The following NBPF6 variants were observed in gnomAD, a reference collection of about 807,000 sequenced individuals.
The protein encoded by NBPF6 is NBPF family member NBPF6.
NBPF6 carries 2 observed loss-of-function variants against 20.8 expected under a neutral mutation model. That is an observed-to-expected ratio of 0.10 (90% CI 0.04 to 0.30). The LOEUF (loss-of-function observed/expected upper bound fraction) is 0.30. Ranked by LOEUF, NBPF6 falls within the 10% of genes least tolerant of loss-of-function variation. The probability of loss-of-function intolerance (pLI) is 1.00; values close to 1 mark genes in which losing one functional copy is unlikely to be tolerated. For missense variants in NBPF6, 85 were observed against 260.3 expected (o/e 0.33, Z 4.63); for synonymous variants, 24 against 100.0 (o/e 0.24, Z 4.53).
intron 9 of NBPF6, among the ~76,000 whole-genome samples, chr1:108,459,388 C>A (rs1467544996): frequency 6.9e-6 from 1 of 144,920 alleles, no homozygotes; most frequent in Non-Finnish European, 1.5e-5. Context: ...TGGTGTCAAC[C>A]AGCCTGAGAT....
chr1:108,448,276 A>C (rs1652688175), upstream of NBPF6, among the ~76,000 whole-genome samples: 2 of 145,956 alleles, frequency 1.4e-5, no homozygotes, highest in African/African-American at 5.0e-5. Flanking sequence ...GGTGTCTCAG[A>C]GACCTGACAT....
the NBPF6 span, among the ~76,000 whole-genome samples, chr1:108,427,077 AAG>A: frequency 1.2e-3 from 86 of 71,708 alleles, 13 homozygotes; most frequent in African/African-American, 5.2e-3. Context: ...TACTAGCAAT[AAG>A]GAAGGACATC....
upstream of NBPF6, among the ~76,000 whole-genome samples, chr1:108,449,443 T>C (rs1165133884): frequency 1.4e-4 from 2 of 14,118 alleles, no homozygotes; most frequent in African/African-American, 1.9e-4. Context: ...TATATATATA[T>C]ATATATATAT....
rs1377376032 is a variant in NBPF6, at chr1:108,471,743, G to A, written c.*1105G>A. On this transcript the variant is annotated 3_prime_UTR_variant, in exon 15 of 15. Coordinates refer to ENST00000495380, the MANE Select transcript of NBPF6 (RefSeq NM_001143988.2). The stretch of plus-strand genomic sequence containing the variant: ...TGACTTTCATCCAAAATTAATTTTA[G>A]TCCATTAAAGTTAAAATGTTAAAGT... 6.6e-6 allele frequency among the ~76,000 whole-genome samples: 1 copy of A among 152,136 alleles called. No individual in the cohort carries two copies. Among genetic ancestry groups the A allele is most frequent in the African/African-American group, 2.4e-5 (1 of 41,424 alleles).
chr1:108,459,720 A>T (rs1301116833), intron 9 of NBPF6, among the ~76,000 whole-genome samples: 274 of 55,940 alleles, frequency 4.9e-3, no homozygotes, highest in African/African-American at 0.017. Context: ...TGAGCACCTG[A>T]TGCTTCTCTC....
chr1:108,459,747 T>G (rs1284356829), intron 9 of NBPF6, among the ~76,000 whole-genome samples, 186 bp from the exon 10 acceptor site: 22 of 46,138 alleles, frequency 4.8e-4, no homozygotes, highest in African/African-American at 1.7e-3. Context: ...ATCTCTCTCT[T>G]TCCCTCTCTC....
chr1:108,436,542 G>A, the NBPF6 span, among the ~76,000 whole-genome samples: 4 of 72,744 alleles, frequency 5.5e-5, 2 homozygotes, highest in Non-Finnish European at 1.3e-4. Flanking sequence ...AACCCAGGAA[G>A]TGATCACACC....
the NBPF6 span, among the ~76,000 whole-genome samples, chr1:108,442,369 A>G: frequency 6.6e-6 from 1 of 152,328 alleles, no homozygotes; most frequent in Admixed American, 6.5e-5. Flanking sequence ...AACTGGTAAA[A>G]GAACAAAACA....
At chr1:108,448,279 C>T (rs1272593810), upstream of NBPF6, among the ~76,000 whole-genome samples, 2 of 145,682 alleles carry the variant, frequency 1.4e-5, no homozygotes, top group African/African-American at 5.0e-5. Flanking sequence ...GTCTCAGAGA[C>T]CTGACATTCT....
At position 108,471,214 on chromosome 1, in the gene NBPF6, T is replaced by C. The variant is rs183689425; in HGVS notation, c.*576T>C. Among the ~76,000 whole-genome samples the C allele has an allele frequency of 1.5e-3, 221 of 152,320 alleles. No homozygotes were observed. Among genetic ancestry groups the C allele is most frequent in the Admixed American group, 2.9e-3 (45 of 15,308 alleles). On this transcript the variant is annotated 3_prime_UTR_variant, in exon 15 of 15. Transcript: ENST00000495380. ...TCATTTTGAACCCAAAACATCTCCT[T>C]ATCTTTTTGTTGTTGTCATCGATGG...
rs1653009267 is a variant in NBPF6, at chr1:108,459,087, G to T, written c.1006G>T (p.Gly336Ter). 2.2e-6 allele frequency: 1 copy of T among 458,756 alleles called. No individual in the cohort carries two copies. The highest frequency in any genetic ancestry group is 3.3e-5 in the East Asian group (1 of 30,034). 28.4% of individuals were successfully genotyped at this position (458,756 alleles called of 1,614,324 possible). A position where few individuals can be genotyped will look rare whatever the true frequency, so the allele number is the denominator to read the frequency against. Residue 336 changes from glycine (G) to a stop codon, truncating the protein, a stop_gained, in exon 9 of 15, where the codon GGA (glycine) becomes TGA (stop). Transcript: ENST00000495380. LOFTEE classifies it high-confidence loss of function. ...GCAAAGTGATCTTGAAGAGGTGAAAGGACAAGAAACAGTTGCTCCCAGGTA... is the reference window on the plus strand; with the variant it reads ...GCAAAGTGATCTTGAAGAGGTGAAATGACAAGAAACAGTTGCTCCCAGGTA... The part of the protein sequence containing the change: ...EKQSDLEEVK[G>*]QETVAPRLSR...
Position 108,467,634 on chromosome 1 carries a change from G to C in NBPF6, c.1844G>C (p.Arg615Thr). The stretch of plus-strand genomic sequence containing the variant: ...TTCAGCAAGTGGAGACTGGCATTCA[G>C]ATTCGCTGGCCCGCATGCTGAGAGT... ...LPFSKWRLAFRFAGPHAESAE... is the reference protein window; with the variant it reads ...LPFSKWRLAFTFAGPHAESAE... The change falls in exon 14 of 15, where the codon AGA becomes ACA. Residue 615 changes from arginine (R) to threonine (T), a missense_variant. Around this residue, in one of 5 missense-constraint regions of NBPF6, gnomAD observed 11 missense variants for 40.9 expected, o/e 0.27. Transcript: ENST00000495380. The C allele has an allele frequency of 1.3e-6, 2 of 1,549,542 alleles. No homozygotes were observed. The highest frequency in any genetic ancestry group is 1.2e-5 in the South Asian group (1 of 83,884).
At chr1:108,467,865 C>T (rs1220384181) in intron 14 of NBPF6, among the ~76,000 whole-genome samples, 200 bp downstream of exon 14, 1 of 150,852 alleles carries the variant, frequency 6.6e-6, no homozygotes, top group East Asian at 1.9e-4. Context: ...ACTCTCTGAA[C>T]TCTGCTCTAT....
chr1:108,447,890 A>G (rs1362654725), upstream of NBPF6, among the ~76,000 whole-genome samples: 2 of 147,352 alleles, frequency 1.4e-5, no homozygotes, highest in Admixed American at 6.7e-5. Flanking sequence ...TCAATAACTA[A>G]TTTGCTCTTA....
At chr1:108,447,955 A>G (rs1272860814), upstream of NBPF6, among the ~76,000 whole-genome samples, 6 of 147,158 alleles carry the variant, frequency 4.1e-5, 1 homozygote, top group Non-Finnish European at 9.0e-5. Context: ...AACAGAAATC[A>G]GAAAAAATAT....
rs1347896902 is a variant in NBPF6 at position 108,471,254 on chromosome 1, T to C, written c.*616T>C. Among the ~76,000 whole-genome samples, 1 of 152,222 alleles carries C rather than the reference T, an allele frequency of 6.6e-6. No individual in the cohort carries two copies. Among genetic ancestry groups the C allele is most frequent in the Non-Finnish European group, 1.5e-5 (1 of 68,048 alleles). ...GTCATCGATGGTGGTGACATGGACT[T>C]GTTTGTGGAGGACGGGTCAGCTCTC... is the stretch of plus-strand genomic sequence containing the variant. On this transcript the variant is annotated 3_prime_UTR_variant, in exon 15 of 15. Coordinates refer to ENST00000495380, the MANE Select transcript of NBPF6 (RefSeq NM_001143988.2).
rs1653456217 is a variant in NBPF6 at position 108,471,267 on chromosome 1, CG to C, written c.*632del. 2.0e-5 allele frequency among the ~76,000 whole-genome samples: 3 copies of C among 152,110 alleles called. No individual in the cohort carries two copies. Among genetic ancestry groups the C allele is most frequent in the Non-Finnish European group, 4.4e-5 (3 of 68,034 alleles). On this transcript the variant is annotated 3_prime_UTR_variant, in exon 15 of 15. Coordinates refer to ENST00000495380, the MANE Select transcript of NBPF6 (RefSeq NM_001143988.2). ...GTGACATGGACTTGTTTGTGGAGGA[CG>C]GGTCAGCTCTCTGGCTCAATGGTCT... is the stretch of plus-strand genomic sequence containing the variant.
upstream of NBPF6, among the ~76,000 whole-genome samples, chr1:108,448,545 A>G (rs1652707047): frequency 2.5e-5 from 3 of 120,282 alleles, no homozygotes; most frequent in South Asian, 5.3e-4. Context: ...ACAGGAATGA[A>G]TGCTATTCCC....
rs1440346667 is a variant in NBPF6, at chr1:108,470,960, G to C, written c.*322G>C. The C allele has an allele frequency of 3.9e-6, 1 of 254,974 alleles. No homozygotes were observed. Among genetic ancestry groups the C allele is most frequent in the East Asian group, 9.1e-5 (1 of 10,952 alleles). The allele number at this position is 254,974 out of a possible 1,614,324, so 15.8% of individuals were successfully genotyped here. A position where few individuals can be genotyped will look rare whatever the true frequency, so the allele number is the denominator to read the frequency against. ...TGGCAGGAGACAGCATGTCAGCCGG[G>C]ACTCTGCCAGGGCAGAGTATGAGCA... On this transcript the variant is annotated 3_prime_UTR_variant, in exon 15 of 15. Transcript: ENST00000495380.
Sources: allele counts gnomAD v4.1 joint callset (sites outside exome capture counted in the v4.1 genomes callset), GRCh38; gene constraint gnomAD v4.1.1; regional missense constraint gnomAD v4.1.1; transcripts MANE v1.5; gene names NCBI Gene and HGNC (gene_info 2026-07-23, HGNC 2026-07-21).